SOX5: variants seen among roughly 807,000 people sequenced by gnomAD.
SOX5 encodes transcription factor SOX-5.
Under a neutral mutation model 92.0 loss-of-function variants are expected in SOX5, and 9 were observed. The ratio of observed to expected loss-of-function variants is 0.10; its 90% CI spans 0.06 to 0.17. The LOEUF is 0.17. Ranked by LOEUF, SOX5 falls within the 10% of genes least tolerant of loss-of-function variation. The pLI is 1.00. For synonymous variants in SOX5, 344 were observed against 336.3 expected (o/e 1.02, Z -0.25); for missense variants, 642 against 944.5 (o/e 0.68, Z 4.20).
At chr12:23,948,232 A>C (rs530182850) in intron 1 of SOX5, among the ~76,000 whole-genome samples, 104 of 150,092 alleles carry the variant, frequency 6.9e-4, no homozygotes, top group Non-Finnish European at 1.2e-3. Context: ...AAAAAAAAAA[A>C]CACAGAAGAA....
At chr12:24,224,237 G>A (rs1364831962) in intron 3 of SOX5, among the ~76,000 whole-genome samples, 1 of 151,968 alleles carries the variant, frequency 6.6e-6, no homozygotes, top group Non-Finnish European at 1.5e-5. Context: ...ATTAGTGGAC[G>A]AGGCTTTTAA....
At chr12:24,389,934 T>G (rs1343827960) in intron 1 of SOX5, among the ~76,000 whole-genome samples, 1 of 152,210 alleles carries the variant, frequency 6.6e-6, no homozygotes, top group African/African-American at 2.4e-5. Context: ...AAGTGGTATC[T>G]TACTGAGGTC....
At position 24,305,754 on chromosome 12, in the gene SOX5, C is replaced by T. The variant is rs545911041; in HGVS notation, c.-173-28442G>A. On this transcript the variant is annotated intron_variant, in intron 2 of 4. Transcript: ENST00000446891. Reference sequence around the variant, plus strand: ...CTAGGATTACAGGCACCCGCCGCCACGCCTGGCTAATTTTTGTATTTTAAT... The same window carrying T: ...CTAGGATTACAGGCACCCGCCGCCATGCCTGGCTAATTTTTGTATTTTAAT... 1.4e-4 allele frequency among the ~76,000 whole-genome samples: 21 copies of T among 152,182 alleles called. No homozygotes were observed. In the South Asian group the frequency reaches 1.7e-3, roughly 12 times the overall value.
rs189110557 is a variant in SOX5, at chr12:24,046,160, C to T, written c.-1-150136G>A. Among the ~76,000 whole-genome samples, 415 of 152,228 alleles carry T rather than the reference C, an allele frequency of 2.7e-3. 4 individuals are homozygous for T. Among genetic ancestry groups the T allele is most frequent in the African/African-American group, 9.5e-3 (395 of 41,524 alleles). ...AACGTGACTTTGTGCTCACAGTCTG[C>T]CCAAGGTCAAAGCCTGAGGGTAATA... On this transcript the variant is annotated intron_variant, in intron 4 of 4. Coordinates refer to the SOX5 transcript ENST00000446891.
intron 4 of SOX5, among the ~76,000 whole-genome samples, chr12:24,016,743 AC>A: frequency 6.6e-6 from 1 of 152,190 alleles, no homozygotes; most frequent in South Asian, 2.1e-4. Context: ...AGGACTACCA[AC>A]CTTTTCCAAA....
At chr12:24,369,888 A>T (rs562306670) in intron 1 of SOX5, among the ~76,000 whole-genome samples, 31 of 152,300 alleles carry the variant, frequency 2.0e-4, no homozygotes, top group African/African-American at 5.5e-4. Context: ...TTACTTTACC[A>T]CTCAAGTGAA....
chr12:24,078,963 C>T (rs1048844486), intron 4 of SOX5, among the ~76,000 whole-genome samples: 2 of 151,810 alleles, frequency 1.3e-5, no homozygotes, highest in Non-Finnish European at 2.9e-5. Context: ...TCATCAATGT[C>T]GTGAAACCAT....
intron 2 of SOX5, among the ~76,000 whole-genome samples, chr12:23,890,626 G>A (rs1282756106): frequency 6.6e-6 from 1 of 152,078 alleles, no homozygotes; most frequent in Non-Finnish European, 1.5e-5. Flanking sequence ...TCTCCTCAGA[G>A]TACTCTATTC....
chr12:24,267,052 T>C (rs1194401688), intron 3 of SOX5, among the ~76,000 whole-genome samples: 1 of 152,190 alleles, frequency 6.6e-6, no homozygotes, highest in Non-Finnish European at 1.5e-5. Context: ...TAAATACTTA[T>C]AAATCTGCCT....
At chr12:24,045,882 CAT>C (rs1463022808) in intron 4 of SOX5, among the ~76,000 whole-genome samples, 3 of 134,434 alleles carry the variant, frequency 2.2e-5, no homozygotes, top group Non-Finnish European at 4.9e-5. Flanking sequence ...CTCTGTCTCA[CAT>C]GTTTTGGTTT....
At chr12:24,454,460 C>G (rs1221695033) in intron 1 of SOX5, among the ~76,000 whole-genome samples, 2 of 152,204 alleles carry the variant, frequency 1.3e-5, no homozygotes, top group Admixed American at 1.3e-4. Context: ...AGTATCCACT[C>G]TGGTCTCTGC....
intron 4 of SOX5, among the ~76,000 whole-genome samples, chr12:24,021,344 G>T (rs12307554): frequency 0.13 from 20,467 of 152,096 alleles, 1,419 homozygotes; most frequent in Middle Eastern, 0.2. Flanking sequence ...CACATTTGGG[G>T]TTTTCTTCTC....
chr12:24,181,955 C>A (rs1291361268), intron 4 of SOX5, among the ~76,000 whole-genome samples: 1 of 152,110 alleles, frequency 6.6e-6, no homozygotes, highest in Admixed American at 6.5e-5. Context: ...CCATGTGAAA[C>A]AAGTTTAACT....
intron 8 of SOX5, among the ~76,000 whole-genome samples, chr12:23,629,630 T>C (rs1396306474): frequency 6.6e-6 from 1 of 151,978 alleles, no homozygotes; most frequent in Non-Finnish European, 1.5e-5. Context: ...ATACTTGGAG[T>C]CCGGTGAATA....
intron 7 of SOX5, among the ~76,000 whole-genome samples, chr12:23,648,779 A>G (rs188471729): frequency 2.1e-3 from 318 of 152,348 alleles, no homozygotes; most frequent in African/African-American, 7.1e-3. Context: ...AAACTCATGC[A>G]ATATGTTTGC....
At chr12:24,460,876 T>C (rs923242778) in intron 1 of SOX5, 4 of 152,198 alleles carry the variant, frequency 2.6e-5, no homozygotes, top group African/African-American at 9.6e-5. Flanking sequence ...CTCATCCCTG[T>C]AATGTTCCCA....
At chr12:24,430,172 TAAAG>T (rs1938012517) in intron 1 of SOX5, among the ~76,000 whole-genome samples, 1 of 152,166 alleles carries the variant, frequency 6.6e-6, no homozygotes, top group Non-Finnish European at 1.5e-5. Flanking sequence ...GATGCTTCCT[TAAAG>T]AAAGCCTAAC....
intron 1 of SOX5, among the ~76,000 whole-genome samples, chr12:24,427,909 C>G (rs1207833309): frequency 1.3e-5 from 2 of 152,144 alleles, no homozygotes; most frequent in Non-Finnish European, 2.9e-5. Flanking sequence ...CTTATACCCC[C>G]ATTCAGAAGT....
chr12:24,041,762 T>C (rs943469690), intron 4 of SOX5, among the ~76,000 whole-genome samples: 1 of 152,004 alleles, frequency 6.6e-6, no homozygotes, highest in Non-Finnish European at 1.5e-5. Context: ...AGATAAAAAG[T>C]AGATAATAAC....
Sources: allele counts gnomAD v4.1 joint callset (sites outside exome capture counted in the v4.1 genomes callset), GRCh38; gene constraint gnomAD v4.1.1; transcripts MANE v1.5; gene names NCBI Gene and HGNC (gene_info 2026-07-23, HGNC 2026-07-21).